The following SLC25A13 variants were observed in gnomAD, a reference collection of about 807,000 sequenced individuals.
The protein encoded by SLC25A13 is electrogenic aspartate/glutamate antiporter SLC25A13, mitochondrial.
SLC25A13 carries 70 observed loss-of-function variants against 85.5 expected under a neutral mutation model. The ratio of observed to expected loss-of-function variants is 0.82; its 90% CI spans 0.68 to 1.00. SLC25A13 has a LOEUF of 1.00. Among genes scored for constraint, SLC25A13 ranks in the 50% least tolerant of loss-of-function variants. SLC25A13 has a pLI of 0.00. For synonymous variants in SLC25A13, 259 were observed against 288.7 expected (o/e 0.90, Z 1.04); for missense variants, 765 against 819.8 (o/e 0.93, Z 0.82).
rs79157026 is a variant in SLC25A13, at chr7:96,241,847, A to C, written c.213-6930T>G. Among the ~76,000 whole-genome samples the C allele has an allele frequency of 5.7e-3, 871 of 152,302 alleles. 4 individuals are homozygous for C. The highest frequency in any genetic ancestry group is 0.02 in the African/African-American group (815 of 41,564). ...AAAAAGAAACAAAGGATCTGAAAGA[A>C]TCACACTAACGGACAACCTCCAGTT... On this transcript the variant is annotated intron_variant, in intron 3 of 17. Transcript: ENST00000265631.
chr7:96,208,446 A>G (rs1233148400), intron 5 of SLC25A13, among the ~76,000 whole-genome samples: 2 of 151,384 alleles, frequency 1.3e-5, no homozygotes, highest in African/African-American at 2.4e-5. Flanking sequence ...ACAGTTCAAG[A>G]CTCCAATCAG....
chr7:96,180,332 A>G (rs544730952), intron 11 of SLC25A13, among the ~76,000 whole-genome samples: 1 of 152,166 alleles, frequency 6.6e-6, no homozygotes, highest in Admixed American at 6.5e-5. Flanking sequence ...ATAGACCCTG[A>G]TTTCTATCTC....
chr7:96,128,939 G>GCTCTCTCTCT (rs58984088), intron 15 of SLC25A13, among the ~76,000 whole-genome samples: 12,646 of 81,616 alleles, frequency 0.15, 2,495 homozygotes, highest in Non-Finnish European at 0.21. Flanking sequence ...TGCCTTGCTT[G>GCTCTCTCTCT]CTCTCTCTCT....
rs532744545 is a variant in SLC25A13 at position 96,226,164 on chromosome 7, G to C, written c.328+8638C>G. ...GCTTAACCAAAACTTTATGCCGGCT[G>C]ATTAGTAAATCCCCATTCCCCCTCC... On this transcript the variant is annotated intron_variant, in intron 4 of 17. Coordinates refer to ENST00000265631, the MANE Select transcript of SLC25A13 (RefSeq NM_014251.3). Among the ~76,000 whole-genome samples the C allele has an allele frequency of 3.7e-4, 56 of 152,238 alleles. No homozygotes were observed. The South Asian group carries it at 0.012, about 32-fold the overall frequency.
intron 13 of SLC25A13, among the ~76,000 whole-genome samples, chr7:96,150,711 C>T (rs1339334910): frequency 6.6e-6 from 1 of 151,994 alleles, no homozygotes; most frequent in Non-Finnish European, 1.5e-5. Flanking sequence ...TATCTACAAG[C>T]CAAAGAGAGA....
intron 2 of SLC25A13, among the ~76,000 whole-genome samples, chr7:96,295,832 T>A (rs1799323585): frequency 6.6e-6 from 1 of 150,950 alleles, no homozygotes; most frequent in Non-Finnish European, 1.5e-5. Flanking sequence ...CATATATATA[T>A]AAAATATGTG....
At chr7:96,268,960 C>T (rs145105939) in intron 3 of SLC25A13, among the ~76,000 whole-genome samples, 2 of 152,350 alleles carry the variant, frequency 1.3e-5, no homozygotes, top group Non-Finnish European at 2.9e-5. Context: ...CCCAATTTCC[C>T]AGTCCAAATG....
intron 1 of SLC25A13, among the ~76,000 whole-genome samples, chr7:96,320,266 C>T (rs1301796907): frequency 6.6e-6 from 1 of 152,178 alleles, no homozygotes; most frequent in Non-Finnish European, 1.5e-5. Context: ...CCCAGCCTCC[C>T]AAAGTGCTGG....
At chr7:96,309,956 T>C (rs935336616) in intron 1 of SLC25A13, among the ~76,000 whole-genome samples, 3 of 152,084 alleles carry the variant, frequency 2.0e-5, no homozygotes, top group Non-Finnish European at 4.4e-5. Flanking sequence ...GGTGTCCTTA[T>C]ACGAAGAGGA....
At chr7:96,237,518 C>G (rs1562867867) in intron 3 of SLC25A13, among the ~76,000 whole-genome samples, 1 of 152,008 alleles carries the variant, frequency 6.6e-6, no homozygotes, top group Non-Finnish European at 1.5e-5. Flanking sequence ...TTTTTTCAGA[C>G]AGTTAAAAAT....
intron 1 of SLC25A13, among the ~76,000 whole-genome samples, chr7:96,302,437 G>A (rs1255091680): frequency 6.6e-6 from 1 of 152,140 alleles, no homozygotes; most frequent in Non-Finnish European, 1.5e-5. Context: ...GGTATAGAAT[G>A]GTGTATTCAA....
intron 11 of SLC25A13, among the ~76,000 whole-genome samples, chr7:96,176,627 G>A (rs944396852): frequency 6.6e-6 from 1 of 152,186 alleles, no homozygotes; most frequent in African/African-American, 2.4e-5. Context: ...AGCTGAAGGT[G>A]TGGGGACCAA....
chr7:96,219,728 A>G (rs376102320), intron 4 of SLC25A13: 3 of 534,488 alleles, frequency 5.6e-6, no homozygotes, highest in Non-Finnish European at 7.7e-6. Flanking sequence ...TATTACAATG[A>G]GAACCCATGG....
At chr7:96,313,378 G>T (rs1584611099) in intron 1 of SLC25A13, among the ~76,000 whole-genome samples, 1 of 152,186 alleles carries the variant, frequency 6.6e-6, no homozygotes, top group East Asian at 1.9e-4. Context: ...CCCATCAATG[G>T]TGAATTGCAT....
intron 1 of SLC25A13, among the ~76,000 whole-genome samples, chr7:96,318,427 A>G (rs1800209440): frequency 6.6e-6 from 1 of 152,206 alleles, no homozygotes; most frequent in Non-Finnish European, 1.5e-5. Flanking sequence ...ATATTCAAAC[A>G]ACGCAAACAG....
chr7:96,192,684 A>ATT (rs5885944), intron 6 of SLC25A13, among the ~76,000 whole-genome samples: 400 of 143,496 alleles, frequency 2.8e-3, no homozygotes, highest in Middle Eastern at 0.018. Flanking sequence ...CATGTGCACT[A>ATT]TTTTTTTTTT....
intron 13 of SLC25A13, among the ~76,000 whole-genome samples, chr7:96,154,597 G>A (rs149194427): frequency 1.3e-5 from 2 of 151,886 alleles, no homozygotes; most frequent in Non-Finnish European, 2.9e-5. Flanking sequence ...GCATCCGGCC[G>A]AGTATCTTAA....
intron 1 of SLC25A13, among the ~76,000 whole-genome samples, chr7:96,311,804 A>C (rs1330034473): frequency 2.0e-5 from 3 of 152,144 alleles, no homozygotes; most frequent in African/African-American, 7.2e-5. Context: ...TCTTTCTGAC[A>C]AAGGCTAAAA....
At chr7:96,283,538 G>T in intron 2 of SLC25A13, 1 of 366,532 alleles carries the variant, frequency 2.7e-6, no homozygotes. Context: ...CATGGCAAAA[G>T]TAGAGGAGTC....
Sources: allele counts gnomAD v4.1 joint callset (sites outside exome capture counted in the v4.1 genomes callset), GRCh38; gene constraint gnomAD v4.1.1; transcripts MANE v1.5; gene names NCBI Gene and HGNC (gene_info 2026-07-23, HGNC 2026-07-21).